Variants in CAMK1D observed in about 807,000 individuals in gnomAD.
CAMK1D encodes calcium/calmodulin-dependent protein kinase type 1D.
CAMK1D carries 9 observed loss-of-function variants against 47.7 expected under a neutral mutation model. The ratio of observed to expected loss-of-function variants is 0.19; its 90% confidence interval spans 0.11 to 0.33. The LOEUF (loss-of-function observed/expected upper bound fraction) is 0.33, where lower values mean the gene tolerates loss of function less well. Among genes scored for constraint, CAMK1D ranks in the 10% least tolerant of loss-of-function variants. The pLI is 1.00. For synonymous variants in CAMK1D, 184 were observed against 184.9 expected (o/e 0.99, Z 0.04); for missense variants, 291 against 488.7 (o/e 0.60, Z 3.81).
At chr10:12,553,773 C>T (rs994403886) in intron 2 of CAMK1D, among the ~76,000 whole-genome samples, 1 of 152,246 alleles carries the variant, frequency 6.6e-6, no homozygotes, top group Non-Finnish European at 1.5e-5. Context: ...GCACTCGCCA[C>T]ATAGGAAGTG....
In CAMK1D at chr10:12,685,927, A is replaced by G. The variant is rs184233467; in HGVS notation, c.299+19117A>G. ...CTTTTCTGCTCTGCCCTTCAAGTACATCTTACTTTGTTCCAGCACTTCCAG... is the reference window on the plus strand; with the variant it reads ...CTTTTCTGCTCTGCCCTTCAAGTACGTCTTACTTTGTTCCAGCACTTCCAG... On this transcript the variant is annotated intron_variant, in intron 3 of 10. Coordinates refer to ENST00000619168, the MANE Select transcript of CAMK1D (RefSeq NM_153498.4). 3.3e-5 allele frequency among the ~76,000 whole-genome samples: 5 copies of G among 152,244 alleles called. No individual in the cohort carries two copies. The East Asian group carries it at 5.8e-4, about 18-fold the overall frequency.
Position 12,516,887 on chromosome 10 carries a change from A to G in CAMK1D, c.93-36338A>G, listed in dbSNP as rs1835226531. On this transcript the variant is annotated intron_variant, in intron 1 of 10. Transcript: ENST00000619168. ...CTTTATAGATGTTGCCTTTCCATAT[A>G]AATGTTAAGACTATCTTGTCAGTTT... Among the ~76,000 whole-genome samples, 5 of 152,294 alleles carry G rather than the reference A, an allele frequency of 3.3e-5. No homozygotes were observed. In the South Asian group the frequency reaches 1.0e-3, roughly 32 times the overall value.
chr10:12,793,123 C>T (rs4750264), intron 6 of CAMK1D, among the ~76,000 whole-genome samples: 10,934 of 152,120 alleles, frequency 0.072, 892 homozygotes, highest in East Asian at 0.39. Flanking sequence ...GGTCCTGCCT[C>T]ATCCAGCTTG....
intron 3 of CAMK1D, among the ~76,000 whole-genome samples, chr10:12,704,441 T>C (rs537994438): frequency 6.6e-6 from 1 of 152,314 alleles, no homozygotes; most frequent in East Asian, 1.9e-4. Context: ...TTATCTGCTA[T>C]AGCTGGCCCT....
intron 1 of CAMK1D, among the ~76,000 whole-genome samples, chr10:12,502,641 C>T (rs1253182693): frequency 6.6e-6 from 1 of 152,210 alleles, no homozygotes; most frequent in Non-Finnish European, 1.5e-5. Flanking sequence ...GGCTTTAGCC[C>T]GGGCCCTCGG....
At chr10:12,646,541 A>T (rs1019129995) in intron 2 of CAMK1D, among the ~76,000 whole-genome samples, 2 of 152,204 alleles carry the variant, frequency 1.3e-5, no homozygotes, top group Non-Finnish European at 2.9e-5. Context: ...GCTAACAGTG[A>T]GACCTTGAGA....
At chr10:12,628,164 T>G (rs1193802676) in intron 2 of CAMK1D, among the ~76,000 whole-genome samples, 8 of 152,212 alleles carry the variant, frequency 5.3e-5, no homozygotes, top group Admixed American at 5.2e-4. Context: ...TATGAACATT[T>G]GTATTCAAGT....
At chr10:12,790,023 C>T (rs1837908692) in intron 5 of CAMK1D, among the ~76,000 whole-genome samples, 1 of 152,180 alleles carries the variant, frequency 6.6e-6, no homozygotes, top group Admixed American at 6.5e-5. Flanking sequence ...CAATGCTGGG[C>T]GATGGCCACA....
intron 1 of CAMK1D, among the ~76,000 whole-genome samples, chr10:12,488,856 G>A (rs1038521906): frequency 3.3e-5 from 5 of 152,188 alleles, no homozygotes; most frequent in African/African-American, 4.8e-5. Context: ...GCGGTGATGC[G>A]AGGGATGGGG....
At chr10:12,456,899 C>A (rs1368458848) in intron 1 of CAMK1D, among the ~76,000 whole-genome samples, 1 of 152,008 alleles carries the variant, frequency 6.6e-6, no homozygotes, top group Non-Finnish European at 1.5e-5. Context: ...CCCAGCAGTC[C>A]TGTTTCTGGG....
Position 12,752,445 on chromosome 10 carries a change from G to A in CAMK1D, c.300-8503G>A, listed in dbSNP as rs1295770984. 2.6e-5 allele frequency among the ~76,000 whole-genome samples: 4 copies of A among 152,150 alleles called. No individual in the cohort carries two copies. The East Asian group carries it at 5.8e-4, about 22-fold the overall frequency. ...TGGAATTATAGTCATTGGAGACTCG[G>A]GAGGGTAGAAGGGGGATGATGGATG... On this transcript the variant is annotated intron_variant, in intron 3 of 10. Transcript: ENST00000619168.
intron 3 of CAMK1D, among the ~76,000 whole-genome samples, chr10:12,730,227 A>G (rs1046872604): frequency 3.2e-4 from 48 of 152,160 alleles, no homozygotes; most frequent in Non-Finnish European, 5.6e-4. Flanking sequence ...TTCTGGATGT[A>G]TCTTCAGGAC....
At chr10:12,698,673 A>ATTTTTTTTTTTTTTTTTTTTTT (rs573723767) in intron 3 of CAMK1D, among the ~76,000 whole-genome samples, 1 of 103,924 alleles carries the variant, frequency 9.6e-6, no homozygotes, top group Non-Finnish European at 1.9e-5. Context: ...CCTTTAAAGA[A>ATTTTTTTTTTTTTTTTTTTTTT]TTTTTTTTTT....
chr10:12,513,016 G>A (rs1231456364), intron 1 of CAMK1D, among the ~76,000 whole-genome samples: 2 of 152,216 alleles, frequency 1.3e-5, no homozygotes, highest in Admixed American at 1.3e-4. Flanking sequence ...TTTCCCTCAC[G>A]AGCAGGAGAG....
At chr10:12,765,566 G>C (rs1371470767) in intron 4 of CAMK1D, among the ~76,000 whole-genome samples, 1 of 152,202 alleles carries the variant, frequency 6.6e-6, no homozygotes. Flanking sequence ...TGAATCAGTT[G>C]AGCTGAAATC....
chr10:12,665,520 AGTTCTAGCTTTCAAGAG>A (rs1456945914), intron 2 of CAMK1D, among the ~76,000 whole-genome samples: 1 of 152,238 alleles, frequency 6.6e-6, no homozygotes, highest in African/African-American at 2.4e-5. Context: ...TGAATAATGT[AGTTCTAGCTTTCAAGAG>A]GTTCACAAGA....
chr10:12,422,670 ATT>A (rs112592899), intron 1 of CAMK1D, among the ~76,000 whole-genome samples: 11 of 146,480 alleles, frequency 7.5e-5, no homozygotes, highest in African/African-American at 2.5e-4. Flanking sequence ...GGTTAATATA[ATT>A]TTTTTTTTTT....
intron 3 of CAMK1D, among the ~76,000 whole-genome samples, chr10:12,723,720 A>G (rs866200003): frequency 6.6e-6 from 1 of 152,180 alleles, no homozygotes; most frequent in African/African-American, 2.4e-5. Context: ...TTAAAACTCT[A>G]TTAGCAGGTT....
At chr10:12,742,142 T>C (rs1447475211) in intron 3 of CAMK1D, among the ~76,000 whole-genome samples, 2 of 152,152 alleles carry the variant, frequency 1.3e-5, no homozygotes. Context: ...TTTTGAGGTG[T>C]ATATATATTT....
Sources: allele counts gnomAD v4.1 joint callset (sites outside exome capture counted in the v4.1 genomes callset), GRCh38; gene constraint gnomAD v4.1.1; transcripts MANE v1.5; gene names NCBI Gene and HGNC (gene_info 2026-07-23, HGNC 2026-07-21).